The following TNIK variants were observed in gnomAD, a reference collection of about 807,000 sequenced individuals.
TNIK encodes the protein TRAF2 and NCK interacting kinase, also known as TRAF2 and NCK-interacting protein kinase.
In TNIK, 49 loss-of-function variants were observed where a neutral mutation model predicts 191.3. That is an observed-to-expected ratio of 0.26 (90% confidence interval 0.20 to 0.32). The LOEUF (loss-of-function observed/expected upper bound fraction) is 0.32, where lower values mean the gene tolerates loss of function less well. TNIK is among the 10% of genes least tolerant of loss of function. The pLI is 1.00. For missense variants in TNIK, 1,155 were observed against 1,702.3 expected (o/e 0.68, Z 5.66); for synonymous variants, 594 against 600.9 (o/e 0.99, Z 0.17).
At chr3:171,150,033 G>A (rs568823757) in intron 12 of TNIK, among the ~76,000 whole-genome samples, 11 of 152,216 alleles carry the variant, frequency 7.2e-5, no homozygotes, top group African/African-American at 1.9e-4. Flanking sequence ...GGGCCTGGGA[G>A]TGTGGTCCAG....
intron 18 of TNIK, among the ~76,000 whole-genome samples, chr3:171,114,015 AAAGC>A (rs1022279429): frequency 8.8e-5 from 13 of 148,464 alleles, no homozygotes; most frequent in Non-Finnish European, 1.8e-4. Context: ...AAAAAAAAAA[AAAGC>A]AGCATTCTCA....
chr3:171,225,715 G>A (rs573803077), intron 3 of TNIK: 2 of 431,122 alleles, frequency 4.6e-6, no homozygotes, highest in Non-Finnish European at 9.3e-6. Flanking sequence ...AGCAATAGTG[G>A]TTCTTGAGTA....
chr3:171,438,072 C>T lies in TNIK; in HGVS notation c.57+21935G>A, dbSNP rs539420551. Among the ~76,000 whole-genome samples, 406 of 152,270 alleles carry T rather than the reference C, an allele frequency of 2.7e-3. 1 individual carries two copies. Among genetic ancestry groups the T allele is most frequent in the African/African-American group, 8.3e-3 (344 of 41,552 alleles). ...CTGCTGCACCTGCACAGTGACTTGTCGCCAATAAAAATTCACCTGTGTCTC... is the reference window on the plus strand; with the variant it reads ...CTGCTGCACCTGCACAGTGACTTGTTGCCAATAAAAATTCACCTGTGTCTC... On this transcript the variant is annotated intron_variant, in intron 1 of 32. Coordinates refer to ENST00000436636, the MANE Select transcript of TNIK (RefSeq NM_015028.4).
chr3:171,189,969 A>C (rs932725977), intron 6 of TNIK, among the ~76,000 whole-genome samples: 2 of 152,246 alleles, frequency 1.3e-5, no homozygotes, highest in Admixed American at 1.3e-4. Context: ...TAAACATAGA[A>C]GATGTTTAAA....
chr3:171,091,930 G>A (rs1722119317), intron 23 of TNIK, among the ~76,000 whole-genome samples: 1 of 145,648 alleles, frequency 6.9e-6, no homozygotes, highest in Non-Finnish European at 1.5e-5. Context: ...ACTGGCAAAT[G>A]CTATTTTCTT....
At chr3:171,141,447 C>T (rs1730822624) in intron 12 of TNIK, among the ~76,000 whole-genome samples, 1 of 152,204 alleles carries the variant, frequency 6.6e-6, no homozygotes, top group Admixed American at 6.5e-5. Context: ...GTATCTGGCT[C>T]TTCATTATAC....
chr3:171,326,918 C>G (rs1013130685), intron 2 of TNIK, among the ~76,000 whole-genome samples: 1 of 152,150 alleles, frequency 6.6e-6, no homozygotes, highest in Non-Finnish European at 1.5e-5. Context: ...GTCCCCAACT[C>G]ACAAGCACCA....
rs1733751293 is a variant in TNIK, at chr3:171,159,958, C to A, written c.1016+1312G>T. Reference sequence around the variant, plus strand: ...GAGTGACTCCTAATATGCAGTTTAGCAAGTGTTAGAAAGACAGGGTTTCTC... The same window carrying A: ...GAGTGACTCCTAATATGCAGTTTAGAAAGTGTTAGAAAGACAGGGTTTCTC... On this transcript the variant is annotated intron_variant, in intron 11 of 32. Transcript: ENST00000436636. The surrounding 1 kb of genome is among the most constrained non-coding windows in gnomAD (Gnocchi z 4.1). 6.6e-6 allele frequency among the ~76,000 whole-genome samples: 1 copy of A among 152,172 alleles called. No individual in the cohort carries two copies. The highest frequency in any genetic ancestry group is 2.4e-5 in the African/African-American group (1 of 41,434).
At chr3:171,344,007 C>T (rs1316822583) in intron 2 of TNIK, among the ~76,000 whole-genome samples, 1 of 152,096 alleles carries the variant, frequency 6.6e-6, no homozygotes, top group Non-Finnish European at 1.5e-5. Context: ...GTGTTTCCTC[C>T]CTCCTTCCCA....
intron 2 of TNIK, among the ~76,000 whole-genome samples, chr3:171,337,376 C>G (rs1046750783): frequency 1.3e-5 from 2 of 152,176 alleles, no homozygotes; most frequent in African/African-American, 4.8e-5. Flanking sequence ...AGGGAGAAAG[C>G]AAAAGACCTC....
chr3:171,102,780 A>G (rs1199760424), intron 21 of TNIK, among the ~76,000 whole-genome samples: 1 of 152,226 alleles, frequency 6.6e-6, no homozygotes, highest in African/African-American at 2.4e-5. Context: ...GTATGCATCC[A>G]ATTCACCTGA....
At chr3:171,241,033 T>C (rs990271520) in intron 2 of TNIK, among the ~76,000 whole-genome samples, 10 of 138,874 alleles carry the variant, frequency 7.2e-5, no homozygotes, top group African/African-American at 3.1e-4. Flanking sequence ...TTTTTTTCTT[T>C]TCTTTTTTTT....
chr3:171,101,152 G>A (rs1256422948), intron 22 of TNIK, among the ~76,000 whole-genome samples: 1 of 152,044 alleles, frequency 6.6e-6, no homozygotes, highest in Non-Finnish European at 1.5e-5. Context: ...TCTGGTTGTC[G>A]ATATTGTTTG....
chr3:171,375,862 A>G (rs1717141857), intron 1 of TNIK, among the ~76,000 whole-genome samples: 1 of 152,160 alleles, frequency 6.6e-6, no homozygotes, highest in Admixed American at 6.5e-5. Flanking sequence ...CAGACTCTAG[A>G]CACCCCTCCT....
intron 1 of TNIK, among the ~76,000 whole-genome samples, chr3:171,418,542 T>C (rs1318331673): frequency 1.3e-5 from 2 of 152,176 alleles, no homozygotes; most frequent in South Asian, 2.1e-4. Context: ...TACATGCTAC[T>C]ACAAGGATGA....
intron 2 of TNIK, among the ~76,000 whole-genome samples, chr3:171,356,716 C>T (rs1714130650): frequency 2.0e-5 from 3 of 152,166 alleles, no homozygotes; most frequent in African/African-American, 7.2e-5. Flanking sequence ...AGGAGTCATG[C>T]TCTACTACTT....
In TNIK at chr3:171,073,845, C is replaced by CAA. The variant is rs562403849; in HGVS notation, c.3449-2524_3449-2523dup. Among the ~76,000 whole-genome samples, 682 of 97,878 alleles carry CAA rather than the reference C, an allele frequency of 7.0e-3. 7 individuals are homozygous for CAA. The highest frequency in any genetic ancestry group is 0.024 in the African/African-American group (644 of 26,438). The allele number at this position is 97,878 out of a possible 152,430, so 64.2% of individuals were successfully genotyped here. A position where few individuals can be genotyped will look rare whatever the true frequency, so the allele number is the denominator to read the frequency against. On this transcript the variant is annotated intron_variant, in intron 28 of 32. Transcript: ENST00000436636. ...GTCAGAATGGCTAATACTAAAAGGTCAAAAAAAAAAAAAAAAGATGGTGGT... is the reference window on the plus strand; with the variant it reads ...GTCAGAATGGCTAATACTAAAAGGTCAAAAAAAAAAAAAAAAAAGATGGTGGT...
At chr3:171,123,553 G>C (rs926734214) in intron 18 of TNIK, 43 bp downstream of exon 18, 1 of 1,446,984 alleles carries the variant, frequency 6.9e-7, no homozygotes. Context: ...GACAATGGTG[G>C]GTAGGAGTTT....
At chr3:171,070,779 CACCTGAGTTTT>C (rs1277693628) in intron 29 of TNIK, among the ~76,000 whole-genome samples, 6 of 152,192 alleles carry the variant, frequency 3.9e-5, no homozygotes, top group Admixed American at 3.9e-4. Flanking sequence ...ATATAAGCAT[CACCTGAGTTTT>C]AGGGACTTCA....
Sources: gnomAD v4.1 joint callset for allele counts (sites outside exome capture counted in the v4.1 genomes callset) on GRCh38, gnomAD v4.1.1 for gene constraint, Gnocchi (gnomAD v3.1) non-coding constraint, MANE v1.5 for transcripts, NCBI Gene and HGNC (gene_info 2026-07-23, HGNC 2026-07-21) for gene names.